C11orf65: variants seen among roughly 807,000 people sequenced by gnomAD.
The protein encoded by C11orf65 is protein MFI.
A neutral mutation model predicts 35.3 loss-of-function variants in C11orf65; 38 were observed. The ratio of observed to expected loss-of-function variants is 1.08; its 90% confidence interval spans 0.83 to 1.41. The LOEUF (loss-of-function observed/expected upper bound fraction) is 1.41. Among genes scored for constraint, C11orf65 ranks in the 40% most tolerant of loss-of-function variants. The pLI is 0.00. For synonymous variants in C11orf65, 105 were observed against 114.4 expected (o/e 0.92, Z 0.53); for missense variants, 370 against 367.1 (o/e 1.01, Z -0.06).
chr11:108,399,493 C>A (rs1223239076), intron 6 of C11orf65, among the ~76,000 whole-genome samples: 1 of 152,138 alleles, frequency 6.6e-6, no homozygotes, highest in African/African-American at 2.4e-5. Flanking sequence ...GAATTGAAAT[C>A]ATTAACTGTC....
At chr11:108,439,902 T>G (rs1182671936) in intron 2 of C11orf65, among the ~76,000 whole-genome samples, 1 of 152,136 alleles carries the variant, frequency 6.6e-6, no homozygotes, top group Non-Finnish European at 1.5e-5. Flanking sequence ...GTGCACAACA[T>G]TATGAATATA....
Position 108,393,088 on chromosome 11 carries a change from C to CG in C11orf65, c.731+119dup. ...TCTTTCTAGACAAATAATAGATACT[C>CG]GGGTTTTTTTTTTCTTTGAAGATTG... is the stretch of plus-strand genomic sequence containing the variant. On this transcript the variant is annotated intron_variant, in intron 7 of 8. Coordinates refer to ENST00000393084, the MANE Select transcript of C11orf65 (RefSeq NM_152587.5). 4.6e-6 allele frequency: 5 copies of CG among 1,083,014 alleles called. No homozygotes were observed. In the African/African-American group the frequency reaches 6.4e-5, roughly 14 times the overall value. The allele number at this position is 1,083,014 out of a possible 1,614,324, so 67.1% of individuals were successfully genotyped here.
intron 7 of C11orf65, among the ~76,000 whole-genome samples, chr11:108,389,253 C>G (rs140860234): frequency 3.3e-4 from 50 of 152,252 alleles, no homozygotes; most frequent in African/African-American, 1.2e-3. Context: ...AAAGGTCAAA[C>G]GGGGAAGTAG....
At chr11:108,457,664 G>A (rs927582351) in intron 2 of C11orf65, among the ~76,000 whole-genome samples, 17 of 152,050 alleles carry the variant, frequency 1.1e-4, no homozygotes, top group African/African-American at 3.9e-4. Flanking sequence ...GTTAAAAACG[G>A]TTGCTTTTAG....
At chr11:108,452,248 T>C (rs2093357961) in intron 2 of C11orf65, among the ~76,000 whole-genome samples, 1 of 152,052 alleles carries the variant, frequency 6.6e-6, no homozygotes, top group African/African-American at 2.4e-5. Flanking sequence ...ATTTTTCCAA[T>C]CTACCCATAT....
chr11:108,382,802 T>C lies in C11orf65; in HGVS notation c.*219A>G, dbSNP rs192106811. The C allele has an allele frequency of 3.0e-6, 3 of 984,026 alleles. No individual in the cohort carries two copies. Among genetic ancestry groups the C allele is most frequent in the East Asian group, 1.1e-4 (1 of 8,812 alleles). The allele number at this position is 984,026 out of a possible 1,614,324, so 61.0% of individuals were successfully genotyped here. ...TACTTAAGTGTGACTGTTAGAATACTACAGTTTCTCAGAATACTAGGAATA... is the reference window on the plus strand; with the variant it reads ...TACTTAAGTGTGACTGTTAGAATACCACAGTTTCTCAGAATACTAGGAATA... On this transcript the variant is annotated 3_prime_UTR_variant, in exon 9 of 9. Transcript: ENST00000393084.
At chr11:108,313,326 A>C (rs944653927) in intron 6 of C11orf65, among the ~76,000 whole-genome samples, 1 of 152,062 alleles carries the variant, frequency 6.6e-6, no homozygotes, top group Non-Finnish European at 1.5e-5. Flanking sequence ...CCTCTTCCCT[A>C]TGTTCTCTTT....
chr11:108,436,837 A>C (rs987244079), intron 2 of C11orf65, among the ~76,000 whole-genome samples: 3 of 152,214 alleles, frequency 2.0e-5, no homozygotes, highest in Non-Finnish European at 4.4e-5. Context: ...TGAGGGGGGA[A>C]AAATCCCAAT....
At chr11:108,464,405 T>C (rs1379017112) in intron 1 of C11orf65, among the ~76,000 whole-genome samples, 1 of 151,546 alleles carries the variant, frequency 6.6e-6, no homozygotes, top group Non-Finnish European at 1.5e-5. Context: ...CAAGCGATTC[T>C]CCTGCCTTAG....
At chr11:108,325,596 A>AT (rs769913384) in intron 6 of C11orf65, 4 of 1,455,852 alleles carry the variant, frequency 2.7e-6, no homozygotes, top group Non-Finnish European at 2.9e-6. Flanking sequence ...TCCTTTTATT[A>AT]TTTAAAAAAC....
intron 6 of C11orf65, 87 bp downstream of exon 6, chr11:108,405,342 C>A: frequency 1.4e-6 from 2 of 1,384,422 alleles, no homozygotes; most frequent in Non-Finnish European, 2.0e-6. Context: ...CAGCTAATGC[C>A]CTCTTGTGAG....
At chr11:108,449,831 C>A (rs2093321413) in intron 2 of C11orf65, among the ~76,000 whole-genome samples, 1 of 151,866 alleles carries the variant, frequency 6.6e-6, no homozygotes, top group African/African-American at 2.4e-5. Flanking sequence ...AAAGAAACTA[C>A]CATCAGAGTG....
intron 3 of C11orf65, among the ~76,000 whole-genome samples, chr11:108,429,775 G>A (rs903200359): frequency 2.6e-5 from 4 of 152,150 alleles, no homozygotes; most frequent in African/African-American, 9.7e-5. Context: ...CAAGTACAAT[G>A]TAGTATATAC....
intron 2 of C11orf65, among the ~76,000 whole-genome samples, chr11:108,437,382 T>C (rs2093076730): frequency 6.6e-6 from 1 of 151,972 alleles, no homozygotes; most frequent in Non-Finnish European, 1.5e-5. Context: ...TGAAGGGCTC[T>C]GGAAATGGTT....
chr11:108,407,671 A>T (rs1278067264), intron 3 of C11orf65, among the ~76,000 whole-genome samples: 1 of 151,184 alleles, frequency 6.6e-6, no homozygotes, highest in Non-Finnish European at 1.5e-5. Flanking sequence ...GAGGCCGGGC[A>T]TGGTGGCTCA....
intron 2 of C11orf65, among the ~76,000 whole-genome samples, chr11:108,440,508 G>C (rs1007005235): frequency 3.3e-5 from 5 of 152,058 alleles, no homozygotes; most frequent in Non-Finnish European, 1.5e-5. Flanking sequence ...ACACTTATTG[G>C]GCATGGAATA....
chr11:108,382,857 C>T lies in C11orf65; in HGVS notation c.*164G>A, dbSNP rs1017161663. 4.2e-6 allele frequency: 6 copies of T among 1,443,988 alleles called. No individual in the cohort carries two copies. In the Admixed American group the frequency reaches 1.6e-4, roughly 39 times the overall value. 89.4% of individuals were successfully genotyped at this position (1,443,988 alleles called of 1,614,324 possible). On this transcript the variant is annotated 3_prime_UTR_variant, in exon 9 of 9. Coordinates refer to ENST00000393084, the MANE Select transcript of C11orf65 (RefSeq NM_152587.5). ...CTATATTTGCCATGATCATTGTATTCAGTCCAGTGTTCTATTTCTGCTCAA... is the reference window on the plus strand; with the variant it reads ...CTATATTTGCCATGATCATTGTATTTAGTCCAGTGTTCTATTTCTGCTCAA...
chr11:108,407,134 C>T lies in C11orf65; in HGVS notation c.190G>A (p.Ala64Thr), dbSNP rs140573247. ...INPKEAELLDAAAGIHVRFRL... is the reference protein window; with the variant it reads ...INPKEAELLDTAAGIHVRFRL... Reference sequence around the variant, plus strand: ...AATCGCACATGAATGCCAGCAGCAGCATCTAGAAGCTCTGCCTATAAGAAA... The same window carrying T: ...AATCGCACATGAATGCCAGCAGCAGTATCTAGAAGCTCTGCCTATAAGAAA... Residue 64 changes from alanine to threonine, a missense_variant, in exon 4 of 9, where the codon GCT (alanine) becomes ACT (threonine). By Grantham distance (58) the Ala-to-Thr change is moderately conservative. Coordinates refer to ENST00000393084, the MANE Select transcript of C11orf65 (RefSeq NM_152587.5). 4.9e-3 allele frequency: 7,940 copies of T among 1,606,998 alleles called. 30 individuals are homozygous for T. The highest frequency in any genetic ancestry group is 7.8e-3 in the Middle Eastern group (45 of 5,786).
downstream of C11orf65, chr11:108,331,176 T>A (rs1285842523): frequency 8.8e-7 from 1 of 1,135,002 alleles, no homozygotes; most frequent in African/African-American, 1.6e-5. Flanking sequence ...TTAGATTTTT[T>A]GGAATATAAA....
Sources: allele counts gnomAD v4.1 joint callset (sites outside exome capture counted in the v4.1 genomes callset), GRCh38; gene constraint gnomAD v4.1.1; transcripts MANE v1.5; gene names NCBI Gene and HGNC (gene_info 2026-07-23, HGNC 2026-07-21).